The following MECR variants were observed in gnomAD, a reference collection of about 807,000 sequenced individuals.
MECR encodes the protein enoyl-[acyl-carrier-protein] reductase, mitochondrial.
In MECR, 37 loss-of-function variants were observed where a neutral mutation model predicts 49.1. The observed-to-expected ratio is 0.75, with a 90% CI of 0.58 to 0.99. The LOEUF is 0.99. Ranked by LOEUF, MECR falls within the 50% of genes least tolerant of loss-of-function variation. The probability of loss-of-function intolerance (pLI) is 0.00; values close to 1 mark genes in which losing one functional copy is unlikely to be tolerated. For missense variants in MECR, 470 were observed against 479.6 expected (o/e 0.98, Z 0.19); for synonymous variants, 198 against 191.1 (o/e 1.04, Z -0.30).
At chr1:29,198,186 C>T (rs1355742374) in intron 7 of MECR, among the ~76,000 whole-genome samples, 1 of 152,174 alleles carries the variant, frequency 6.6e-6, no homozygotes, top group African/African-American at 2.4e-5. Context: ...CTCAGGTGGC[C>T]ATGCTCGCTC....
chr1:29,190,099 G>A (rs907013756), downstream of MECR, among the ~76,000 whole-genome samples: 2 of 152,208 alleles, frequency 1.3e-5, no homozygotes, highest in African/African-American at 4.8e-5. Flanking sequence ...TCAAGGCCGG[G>A]CGCGGTGGCT....
Position 29,203,146 on chromosome 1 carries a change from T to G in MECR, c.638A>C (p.Asn213Thr). The G allele has an allele frequency of 6.3e-7, 1 of 1,578,440 alleles. No individual in the cohort carries two copies. Among genetic ancestry groups the G allele is most frequent in the South Asian group, 1.1e-5 (1 of 87,062 alleles). The change falls in exon 5 of 10, where the codon AAT becomes ACT. Residue 213 changes from asparagine to threonine, a missense_variant. Transcript: ENST00000263702. ...CCCCACGCACCTGTCTCGGACCACA[T>G]TGATGGTTCTTAGGCCCAGGGCTGC... ...IAAALGLRTINVVRDRPDIQK... is the reference protein window; with the variant it reads ...IAAALGLRTITVVRDRPDIQK...
In MECR at chr1:29,203,233, C is replaced by A; in HGVS notation, c.551G>T (p.Gly184Val). The change falls in exon 5 of 10, where the codon GGG (glycine) becomes GTG (valine). Residue 184 changes from glycine to valine, a missense_variant and splice_region_variant. Gly to Val is a moderately radical substitution (Grantham distance 109). Transcript: ENST00000263702. ...GGATGCATTCTGGATGACAGAATCC[C>A]CTGTGGAGCCAGGAAGAGAACCAAA... is the stretch of plus-strand genomic sequence containing the variant. ...MLMDFEQLQP[G>V]DSVIQNASNS... 1 of 1,572,404 alleles carries A rather than the reference C, an allele frequency of 6.4e-7. No individual in the cohort carries two copies. Among genetic ancestry groups the A allele is most frequent in the East Asian group, 2.3e-5 (1 of 43,398 alleles).
At chr1:29,181,487 G>A in the MECR span, among the ~76,000 whole-genome samples, 1 of 152,178 alleles carries the variant, frequency 6.6e-6, no homozygotes, top group African/African-American at 2.4e-5. Flanking sequence ...GTGGGAACCG[G>A]GGCCTACCCG....
Position 29,216,137 on chromosome 1 carries a change from C to T in MECR, c.275-1G>A. On this transcript the variant is annotated splice_acceptor_variant, in intron 2 of 9. Coordinates refer to ENST00000263702, the MANE Select transcript of MECR (RefSeq NM_016011.5). LOFTEE classifies it high-confidence loss of function. The stretch of plus-strand genomic sequence containing the variant: ...AGTTCAGGAAGGAATCCGTAGTTTC[C>T]TGAGGGAGAAGAGCATTAAAGGGTC... The T allele has an allele frequency of 1.9e-6, 3 of 1,613,716 alleles. No homozygotes were observed. The highest frequency in any genetic ancestry group is 2.5e-6 in the Non-Finnish European group (3 of 1,179,748).
chr1:29,198,343 C>T (rs984240116), intron 7 of MECR, among the ~76,000 whole-genome samples: 6 of 152,186 alleles, frequency 3.9e-5, no homozygotes, highest in East Asian at 1.9e-4. Flanking sequence ...GATGAAGAGA[C>T]GGAGGCCTGG....
At chr1:29,181,593 A>G in the MECR span, 3 of 1,448,496 alleles carry the variant, frequency 2.1e-6, no homozygotes, top group African/African-American at 2.9e-5. Context: ...CGGCCTCCCC[A>G]CCACCTATGG....
the MECR span, chr1:29,182,131 T>G: frequency 5.5e-6 from 1 of 182,254 alleles, no homozygotes. Flanking sequence ...GCTTCGCCCC[T>G]CCCCCGGAAG....
At chr1:29,221,752 A>C (rs942778464) in intron 1 of MECR, among the ~76,000 whole-genome samples, 2 of 152,226 alleles carry the variant, frequency 1.3e-5, no homozygotes, top group African/African-American at 4.8e-5. Flanking sequence ...CTAGACATAC[A>C]GAACTGTGAG....
the MECR span, among the ~76,000 whole-genome samples, chr1:29,176,032 C>A: frequency 2.0e-5 from 3 of 152,070 alleles, no homozygotes; most frequent in Non-Finnish European, 4.4e-5. Flanking sequence ...GCAGGTGGAT[C>A]ATGAGGTCAG....
chr1:29,200,951 G>C (rs1050275416), intron 6 of MECR, among the ~76,000 whole-genome samples: 33 of 151,882 alleles, frequency 2.2e-4, no homozygotes, highest in African/African-American at 7.7e-4. Flanking sequence ...ATGATGACCA[G>C]ATAATTAAAA....
rs189712048 is a variant in MECR, at chr1:29,219,515, A to G, written c.177-2830T>C. Among the ~76,000 whole-genome samples, 5 of 152,326 alleles carry G rather than the reference A, an allele frequency of 3.3e-5. No individual in the cohort carries two copies. The East Asian group carries it at 9.6e-4, about 29-fold the overall frequency. On this transcript the variant is annotated intron_variant, in intron 1 of 9. Coordinates refer to ENST00000263702, the MANE Select transcript of MECR (RefSeq NM_016011.5). ...CCTCTTCCTAGTCCAGAAAAAAAAA[A>G]AATCACTTGCTCAGTATTCCCATTG...
chr1:29,197,039 G>C (rs1418130016), intron 7 of MECR, among the ~76,000 whole-genome samples: 1 of 152,060 alleles, frequency 6.6e-6, no homozygotes, highest in Non-Finnish European at 1.5e-5. Context: ...CAGATTCCTA[G>C]GTCCAATCCC....
At chr1:29,190,931 C>T (rs1238474343), downstream of MECR, among the ~76,000 whole-genome samples, 1 of 152,070 alleles carries the variant, frequency 6.6e-6, no homozygotes, top group Non-Finnish European at 1.5e-5. Context: ...CTGCCATGTA[C>T]CCACCTAAAA....
the MECR span, among the ~76,000 whole-genome samples, chr1:29,178,174 A>G: frequency 6.6e-6 from 1 of 152,094 alleles, no homozygotes; most frequent in Non-Finnish European, 1.5e-5. Flanking sequence ...TGATGGGATT[A>G]CAGGTGTGAG....
At chr1:29,217,174 G>T (rs1679655618) in intron 1 of MECR, among the ~76,000 whole-genome samples, 1 of 143,204 alleles carries the variant, frequency 7.0e-6, no homozygotes, top group African/African-American at 2.5e-5. Flanking sequence ...TAGGATAGAG[G>T]TTGACTCTCA....
rs1172864362 is a variant in MECR, at chr1:29,192,905, G to A, written c.*1117C>T. 1 of 151,380 alleles carries A rather than the reference G, an allele frequency of 6.6e-6. No homozygotes were observed. The highest frequency in any genetic ancestry group is 2.4e-5 in the African/African-American group (1 of 41,174). The allele number at this position is 151,380 out of a possible 1,614,324, so 9.4% of individuals were successfully genotyped here. A position where few individuals can be genotyped will look rare whatever the true frequency, so the allele number is the denominator to read the frequency against. ...TTACTGTGAGATTGTTTAATGCACG[G>A]TTTATCAACGACCTCATGAACATTG... On this transcript the variant is annotated 3_prime_UTR_variant, in exon 10 of 10. Coordinates refer to ENST00000263702, the MANE Select transcript of MECR (RefSeq NM_016011.5).
At chr1:29,226,825 G>C (rs1028226967) in intron 1 of MECR, among the ~76,000 whole-genome samples, 8 of 151,954 alleles carry the variant, frequency 5.3e-5, no homozygotes, top group African/African-American at 1.9e-4. Context: ...TCCAATGCTT[G>C]CTATACAGCA....
the MECR span, among the ~76,000 whole-genome samples, chr1:29,176,245 C>T: frequency 2.0e-5 from 3 of 151,632 alleles, no homozygotes; most frequent in Non-Finnish European, 1.5e-5. Flanking sequence ...GAGCAAGACT[C>T]CATCTCAAAA....
Sources: allele counts gnomAD v4.1 joint callset (sites outside exome capture counted in the v4.1 genomes callset), GRCh38; gene constraint gnomAD v4.1.1; transcripts MANE v1.5; gene names NCBI Gene and HGNC (gene_info 2026-07-23, HGNC 2026-07-21).